The following PCDH15 variants were observed in gnomAD, a reference collection of about 807,000 sequenced individuals.
The protein encoded by PCDH15 is protocadherin related 15.
A neutral mutation model predicts 178.5 loss-of-function variants in PCDH15; 129 were observed. The observed-to-expected ratio is 0.72, with a 90% CI of 0.63 to 0.84. The LOEUF is 0.84. PCDH15 is among the 40% of genes least tolerant of loss of function. The pLI is 0.00. For missense variants in PCDH15, 2,230 were observed against 2,099.9 expected (o/e 1.06, Z -1.21); for synonymous variants, 800 against 732.0 (o/e 1.09, Z -1.50).
At chr10:54,912,097 A>C (rs1224977659) in intron 2 of PCDH15, among the ~76,000 whole-genome samples, 1 of 151,908 alleles carries the variant, frequency 6.6e-6, no homozygotes, top group East Asian at 1.9e-4. Context: ...TTTATTCTAG[A>C]CTTGTTGATT....
intron 2 of PCDH15, among the ~76,000 whole-genome samples, chr10:54,913,585 C>T (rs1381783865): frequency 6.6e-6 from 1 of 152,200 alleles, no homozygotes; most frequent in African/African-American, 2.4e-5. Context: ...CTTGGTGAAG[C>T]TGTGAGAAGA....
At chr10:54,575,158 G>C (rs546844315) in intron 2 of PCDH15, 1 of 121,098 alleles carries the variant, frequency 8.3e-6, no homozygotes, top group African/African-American at 3.1e-5. Context: ...TGTGGGGTGG[G>C]GGGAGGGGGG....
chr10:54,751,615 T>C (rs1946234810), intron 1 of PCDH15, among the ~76,000 whole-genome samples: 1 of 152,170 alleles, frequency 6.6e-6, no homozygotes, highest in South Asian at 2.1e-4. Flanking sequence ...GTCTAGCCAA[T>C]TTACTATCTA....
At chr10:54,602,120 C>T (rs928882672) in intron 2 of PCDH15, among the ~76,000 whole-genome samples, 12 of 151,780 alleles carry the variant, frequency 7.9e-5, no homozygotes, top group African/African-American at 2.9e-4. Context: ...GCACATATAC[C>T]CCTAAACCTA....
chr10:54,425,677 A>T (rs1407963729), intron 3 of PCDH15, among the ~76,000 whole-genome samples: 1 of 152,208 alleles, frequency 6.6e-6, no homozygotes, highest in Non-Finnish European at 1.5e-5. Flanking sequence ...GGTTTTCAGC[A>T]TATAGAGGCT....
At chr10:55,469,032 T>C (rs1311084017) in intron 2 of PCDH15, 1 of 152,080 alleles carries the variant, frequency 6.6e-6, no homozygotes, top group African/African-American at 2.4e-5. Context: ...AAAAGAAGCA[T>C]CTGATAAATT....
intron 26 of PCDH15, among the ~76,000 whole-genome samples, chr10:53,867,913 C>T (rs1324270745): frequency 6.6e-6 from 1 of 151,900 alleles, no homozygotes; most frequent in African/African-American, 2.4e-5. Context: ...CATATTTGTT[C>T]CTGGTGATAG....
At chr10:54,469,407 T>A (rs1013635506) in intron 3 of PCDH15, among the ~76,000 whole-genome samples, 1 of 152,168 alleles carries the variant, frequency 6.6e-6, no homozygotes, top group South Asian at 2.1e-4. Context: ...CATCCCTGCC[T>A]TTTTTTAACT....
intron 1 of PCDH15, among the ~76,000 whole-genome samples, chr10:55,299,396 G>A (rs1224163787): frequency 6.6e-6 from 1 of 152,136 alleles, no homozygotes; most frequent in African/African-American, 2.4e-5. Context: ...AGATGAGAGT[G>A]AACTCCCCAC....
intron 1 of PCDH15, among the ~76,000 whole-genome samples, chr10:54,751,543 C>T (rs1368683847): frequency 1.3e-5 from 2 of 152,038 alleles, no homozygotes; most frequent in African/African-American, 2.4e-5. Context: ...CCAGAAAAAA[C>T]CCTTAAAACC....
At chr10:54,648,701 T>C (rs990231944) in intron 2 of PCDH15, among the ~76,000 whole-genome samples, 5 of 152,158 alleles carry the variant, frequency 3.3e-5, no homozygotes, top group African/African-American at 1.2e-4. Context: ...CTAGTTGTTA[T>C]TAGAAACCTG....
intron 1 of PCDH15, among the ~76,000 whole-genome samples, chr10:55,200,434 A>C (rs941033047): frequency 1.3e-5 from 2 of 152,138 alleles, no homozygotes; most frequent in Non-Finnish European, 2.9e-5. Context: ...GTATCATGGA[A>C]GTAAGTAATT....
chr10:54,032,447 G>A (rs566344825), intron 18 of PCDH15, among the ~76,000 whole-genome samples: 84 of 151,750 alleles, frequency 5.5e-4, no homozygotes, highest in African/African-American at 1.8e-3. Flanking sequence ...CAATGACATA[G>A]GTTAGATATG....
intron 4 of PCDH15, among the ~76,000 whole-genome samples, chr10:54,377,815 A>C (rs1480916495): frequency 1.3e-5 from 2 of 152,132 alleles, no homozygotes; most frequent in Non-Finnish European, 2.9e-5. Context: ...CTCAAGAAAG[A>C]CTGAGATGCA....
chr10:54,682,491 C>G (rs1457929651), intron 1 of PCDH15, among the ~76,000 whole-genome samples: 1 of 152,124 alleles, frequency 6.6e-6, no homozygotes, highest in Non-Finnish European at 1.5e-5. Context: ...TATATAATGG[C>G]ATTTATTGCA....
At chr10:54,900,741 G>A (rs1322767121) in intron 2 of PCDH15, among the ~76,000 whole-genome samples, 1 of 152,154 alleles carries the variant, frequency 6.6e-6, no homozygotes, top group East Asian at 1.9e-4. Context: ...CTGAATAGGA[G>A]CATAGTGTGG....
At chr10:54,368,295 T>C (rs1947112067) in intron 5 of PCDH15, among the ~76,000 whole-genome samples, 1 of 151,996 alleles carries the variant, frequency 6.6e-6, no homozygotes, top group Non-Finnish European at 1.5e-5. Flanking sequence ...TATTCTCCTG[T>C]AAAGCAGGCA....
At chr10:54,123,949 G>T (rs765183088) in intron 15 of PCDH15, among the ~76,000 whole-genome samples, 1 of 152,004 alleles carries the variant, frequency 6.6e-6, no homozygotes, top group Non-Finnish European at 1.5e-5. Flanking sequence ...GAACTAAATG[G>T]TGCATACATG....
At chr10:54,533,889 T>C (rs2084201750) in intron 2 of PCDH15, among the ~76,000 whole-genome samples, 1 of 152,188 alleles carries the variant, frequency 6.6e-6, no homozygotes, top group African/African-American at 2.4e-5. Flanking sequence ...TAATATATTA[T>C]AGTGGTTGTG....
Sources: allele counts gnomAD v4.1 joint callset (sites outside exome capture counted in the v4.1 genomes callset), GRCh38; gene constraint gnomAD v4.1.1; transcripts MANE v1.5; gene names NCBI Gene and HGNC (gene_info 2026-07-23, HGNC 2026-07-21).